LHFPL3: variants seen among roughly 807,000 people sequenced by gnomAD.
LHFPL3 encodes LHFPL tetraspan subfamily member 3.
LHFPL3 carries 5 observed loss-of-function variants against 19.3 expected under a neutral mutation model. The observed-to-expected ratio is 0.26, with a 90% CI of 0.14 to 0.54. The LOEUF (loss-of-function observed/expected upper bound fraction) is 0.54, where lower values mean the gene tolerates loss of function less well. Ranked by LOEUF, LHFPL3 falls within the 20% of genes least tolerant of loss-of-function variation. LHFPL3 has a pLI of 0.94. For missense variants in LHFPL3, 249 were observed against 307.4 expected (o/e 0.81, Z 1.42); for synonymous variants, 133 against 126.2 (o/e 1.05, Z -0.36).
At chr7:104,531,374 C>T (rs74679437) in intron 1 of LHFPL3, among the ~76,000 whole-genome samples, 12 of 152,224 alleles carry the variant, frequency 7.9e-5, no homozygotes, top group South Asian at 6.2e-4. Flanking sequence ...TGGCAAGGAC[C>T]GGTGTGTCTG....
chr7:104,573,558 T>C (rs970557839), intron 1 of LHFPL3, among the ~76,000 whole-genome samples: 2 of 152,200 alleles, frequency 1.3e-5, no homozygotes, highest in African/African-American at 2.4e-5. Flanking sequence ...CATTTTCCCA[T>C]TGGAGTTATT....
At chr7:104,398,673 C>A (rs1235093133) in intron 1 of LHFPL3, among the ~76,000 whole-genome samples, 1 of 152,128 alleles carries the variant, frequency 6.6e-6, no homozygotes, top group Non-Finnish European at 1.5e-5. Flanking sequence ...CATCTTCCAG[C>A]CATTAGCAAG....
chr7:104,868,781 C>G (rs1285405339), intron 2 of LHFPL3, among the ~76,000 whole-genome samples: 1 of 152,080 alleles, frequency 6.6e-6, no homozygotes, highest in African/African-American at 2.4e-5. Context: ...AATCCTAACC[C>G]AAAAGAACAA....
intron 1 of LHFPL3, among the ~76,000 whole-genome samples, chr7:104,382,142 G>A (rs1047563267): frequency 1.3e-5 from 2 of 152,168 alleles, no homozygotes; most frequent in Non-Finnish European, 2.9e-5. Flanking sequence ...AATTTTGAAT[G>A]TCTAAGGTAG....
At position 104,442,544 on chromosome 7, in the gene LHFPL3, T is replaced by G. The variant is rs60680884; in HGVS notation, c.445+113320T>G. 8.0e-3 allele frequency among the ~76,000 whole-genome samples: 1,222 copies of G among 152,314 alleles called. 49 individuals are homozygous for G. The East Asian group carries it at 0.13, about 16-fold the overall frequency. On this transcript the variant is annotated intron_variant, in intron 1 of 2. Transcript: ENST00000424859. ...ATTGCTAAAGCTTTGTCAACTATTA[T>G]CTTTTCATGTAGCAAGTTATATTTA...
chr7:104,670,645 T>C (rs554591515), intron 1 of LHFPL3, among the ~76,000 whole-genome samples: 1 of 152,316 alleles, frequency 6.6e-6, no homozygotes, highest in African/African-American at 2.4e-5. Context: ...TGGTTCTCAC[T>C]CCTTGCCTGC....
intron 1 of LHFPL3, among the ~76,000 whole-genome samples, chr7:104,724,027 C>G (rs1052345831): frequency 6.6e-6 from 1 of 152,138 alleles, no homozygotes; most frequent in African/African-American, 2.4e-5. Flanking sequence ...TCAGAAATAA[C>G]TAATTATAAA....
chr7:104,888,945 G>A (rs1300967644), intron 2 of LHFPL3, among the ~76,000 whole-genome samples: 2 of 152,100 alleles, frequency 1.3e-5, no homozygotes. Context: ...AAGATGGAAG[G>A]AAAAGAAGTT....
At chr7:104,409,031 A>ATTT (rs11336631) in intron 1 of LHFPL3, among the ~76,000 whole-genome samples, 12 of 128,662 alleles carry the variant, frequency 9.3e-5, no homozygotes, top group African/African-American at 3.5e-4. Context: ...CGCCCGGCTA[A>ATTT]TTTTTTTTTT....
intron 1 of LHFPL3, among the ~76,000 whole-genome samples, chr7:104,534,463 C>T (rs1562928074): frequency 2.0e-5 from 3 of 152,192 alleles, no homozygotes; most frequent in South Asian, 2.1e-4. Context: ...TCTTACCTTT[C>T]GGAATCTTAG....
At chr7:104,767,045 A>G (rs983393358) in intron 2 of LHFPL3, among the ~76,000 whole-genome samples, 5 of 152,244 alleles carry the variant, frequency 3.3e-5, no homozygotes, top group Non-Finnish European at 7.3e-5. Flanking sequence ...GAATCACTGA[A>G]TAGCTTCAAA....
intron 1 of LHFPL3, among the ~76,000 whole-genome samples, chr7:104,518,244 T>C (rs908224859): frequency 3.3e-5 from 5 of 152,194 alleles, no homozygotes; most frequent in African/African-American, 1.2e-4. Context: ...TAATTATAAT[T>C]CAGAAGAAAA....
intron 2 of LHFPL3, among the ~76,000 whole-genome samples, chr7:104,831,543 T>C (rs1396259709): frequency 6.6e-6 from 1 of 151,816 alleles, no homozygotes; most frequent in African/African-American, 2.4e-5. Flanking sequence ...TGCAGCCCCC[T>C]CTCCTCCAGA....
intron 1 of LHFPL3, among the ~76,000 whole-genome samples, chr7:104,695,433 T>G (rs565293598): frequency 2.0e-5 from 3 of 152,334 alleles, no homozygotes; most frequent in Admixed American, 1.3e-4. Flanking sequence ...CAAGAGGGTA[T>G]ATAACCTTTT....
intron 2 of LHFPL3, among the ~76,000 whole-genome samples, chr7:104,905,321 A>G (rs1308059486): frequency 1.3e-5 from 2 of 152,166 alleles, no homozygotes; most frequent in African/African-American, 4.8e-5. Flanking sequence ...ATAATAAATC[A>G]GAAACCTTCC....
Position 104,906,371 on chromosome 7 carries a change from G to A in LHFPL3, c.*156G>A, listed in dbSNP as rs115201492. On this transcript the variant is annotated 3_prime_UTR_variant, in exon 3 of 3. Transcript: ENST00000424859. Reference sequence around the variant, plus strand: ...AAGAATGGAACATTCACTTGTCAACGCACTTTCTAAATCTAGATCAGCAGA... The same window carrying A: ...AAGAATGGAACATTCACTTGTCAACACACTTTCTAAATCTAGATCAGCAGA... 2,393 of 849,938 alleles carry A rather than the reference G, an allele frequency of 2.8e-3. 39 individuals carry two copies. In the African/African-American group the frequency reaches 0.035, roughly 12 times the overall value. The allele number at this position is 849,938 out of a possible 1,614,324, so 52.6% of individuals were successfully genotyped here. A position where few individuals can be genotyped will look rare whatever the true frequency, so the allele number is the denominator to read the frequency against.
rs1329004461 is a variant in LHFPL3, at chr7:104,520,851, A to G, written c.445+191627A>G. On this transcript the variant is annotated intron_variant, in intron 1 of 2. Coordinates refer to ENST00000424859, the MANE Select transcript of LHFPL3 (RefSeq NM_199000.3). ...ATTCTTCTCTCTTTTTTTCTTTATTAGTCTTGCTAGCGGTCTATCAATTTT... is the reference window on the plus strand; with the variant it reads ...ATTCTTCTCTCTTTTTTTCTTTATTGGTCTTGCTAGCGGTCTATCAATTTT... Among the ~76,000 whole-genome samples, 17 of 148,182 alleles carry G rather than the reference A, an allele frequency of 1.1e-4. No homozygotes were observed. The South Asian group carries it at 3.3e-3, about 29-fold the overall frequency.
chr7:104,363,162 G>A (rs185149541), intron 1 of LHFPL3, among the ~76,000 whole-genome samples: 5 of 152,280 alleles, frequency 3.3e-5, no homozygotes, highest in Admixed American at 2.0e-4. Flanking sequence ...TTGTTTAAAA[G>A]TCAAACTACA....
At chr7:104,460,781 C>T (rs1307141908) in intron 1 of LHFPL3, among the ~76,000 whole-genome samples, 2 of 151,994 alleles carry the variant, frequency 1.3e-5, no homozygotes, top group South Asian at 2.1e-4. Context: ...AATTTTCTTC[C>T]ATTCTTAGGT....
Sources: allele counts gnomAD v4.1 joint callset (sites outside exome capture counted in the v4.1 genomes callset), GRCh38; gene constraint gnomAD v4.1.1; transcripts MANE v1.5; gene names NCBI Gene and HGNC (gene_info 2026-07-23, HGNC 2026-07-21).